CNTN4: variants seen among roughly 807,000 people sequenced by gnomAD.
CNTN4 encodes contactin 4.
CNTN4 carries 77 observed loss-of-function variants against 122.5 expected under a neutral mutation model. The ratio of observed to expected loss-of-function variants is 0.63; its 90% CI spans 0.52 to 0.76. CNTN4 has a LOEUF of 0.76. Ranked by LOEUF, CNTN4 falls within the 30% of genes least tolerant of loss-of-function variation. CNTN4 has a pLI of 0.00. For missense variants in CNTN4, 1,256 were observed against 1,259.1 expected (o/e 1.00, Z 0.04); for synonymous variants, 512 against 447.0 (o/e 1.15, Z -1.83).
chr3:2,380,398 T>A (rs575957093), intron 3 of CNTN4, among the ~76,000 whole-genome samples: 6 of 152,204 alleles, frequency 3.9e-5, no homozygotes, highest in African/African-American at 1.4e-4. Flanking sequence ...ATGTTGTAGA[T>A]TGGAAAGAGG....
At chr3:2,328,212 T>C (rs549986218) in intron 2 of CNTN4, among the ~76,000 whole-genome samples, 8 of 152,190 alleles carry the variant, frequency 5.3e-5, no homozygotes, top group East Asian at 1.9e-4. Context: ...GAGACCATCC[T>C]GGCTAACACG....
chr3:2,719,130 A>G, intron 4 of CNTN4, among the ~76,000 whole-genome samples: 1 of 152,144 alleles, frequency 6.6e-6, no homozygotes, highest in Admixed American at 6.5e-5. Flanking sequence ...GAAGGGAGGG[A>G]CCTTGTCAAT....
chr3:2,536,622 C>G (rs1317095413), intron 3 of CNTN4, among the ~76,000 whole-genome samples: 1 of 147,826 alleles, frequency 6.8e-6, no homozygotes, highest in Non-Finnish European at 1.5e-5. Context: ...CTGGATCTTA[C>G]TTTATTTCCT....
At chr3:2,866,977 T>C (rs779384838) in intron 8 of CNTN4, 28 bp downstream of exon 8, 1 of 1,591,452 alleles carries the variant, frequency 6.3e-7, no homozygotes, top group South Asian at 1.1e-5. Context: ...TTTGTTAATT[T>C]TGTTTCTGCA....
intron 8 of CNTN4, among the ~76,000 whole-genome samples, chr3:2,873,378 G>A (rs112873872): frequency 0.018 from 2,668 of 152,276 alleles, 85 homozygotes; most frequent in African/African-American, 0.061. Context: ...AATGCTGACA[G>A]CTGATCCCTG....
chr3:2,558,047 T>G (rs1045036579), intron 3 of CNTN4, among the ~76,000 whole-genome samples: 1 of 152,178 alleles, frequency 6.6e-6, no homozygotes, highest in Non-Finnish European at 1.5e-5. Flanking sequence ...GCTCCACTGA[T>G]GTAAAAACAA....
intron 2 of CNTN4, among the ~76,000 whole-genome samples, chr3:2,322,531 G>T (rs1342727799): frequency 3.3e-5 from 5 of 152,078 alleles, no homozygotes; most frequent in African/African-American, 1.2e-4. Flanking sequence ...GGTTAGCAGG[G>T]GCTGGGGAGT....
intron 3 of CNTN4, among the ~76,000 whole-genome samples, chr3:2,491,620 AT>A (rs1405144523): frequency 6.6e-6 from 1 of 152,182 alleles, no homozygotes; most frequent in Non-Finnish European, 1.5e-5. Context: ...TGCAAAAATC[AT>A]TTTCAAACTT....
chr3:3,014,538 C>T (rs1028790206), intron 14 of CNTN4, among the ~76,000 whole-genome samples: 6 of 152,038 alleles, frequency 3.9e-5, no homozygotes, highest in African/African-American at 1.4e-4. Context: ...ACTGCCTTTT[C>T]ACTTTCTAAA....
chr3:2,238,920 T>A (rs542839476), intron 2 of CNTN4: 2 of 124,926 alleles, frequency 1.6e-5, no homozygotes, highest in Admixed American at 1.8e-4. Context: ...AGAGACGGGG[T>A]TTCACCGTGT....
intron 2 of CNTN4, among the ~76,000 whole-genome samples, chr3:2,137,647 A>G (rs925419408): frequency 6.6e-6 from 1 of 152,186 alleles, no homozygotes; most frequent in Non-Finnish European, 1.5e-5. Context: ...GCATTTTGGG[A>G]GCTATGCACA....
intron 3 of CNTN4, among the ~76,000 whole-genome samples, chr3:2,512,525 A>G (rs1299623797): frequency 1.3e-5 from 2 of 152,222 alleles, no homozygotes; most frequent in East Asian, 1.9e-4. Context: ...CACATGATCA[A>G]TGCCTTAGTG....
chr3:2,253,180 T>C (rs1240477356), intron 2 of CNTN4, among the ~76,000 whole-genome samples: 7 of 152,152 alleles, frequency 4.6e-5, no homozygotes, highest in African/African-American at 1.7e-4. Flanking sequence ...CAGTCTACTT[T>C]GTGCCGTGTA....
chr3:2,484,218 TG>T (rs1329267899), intron 3 of CNTN4, among the ~76,000 whole-genome samples: 1 of 152,092 alleles, frequency 6.6e-6, no homozygotes, highest in Non-Finnish European at 1.5e-5. Flanking sequence ...ACACACCATA[TG>T]TCATCAGAGA....
At chr3:2,366,286 A>T (rs921677181) in intron 3 of CNTN4, among the ~76,000 whole-genome samples, 1 of 152,244 alleles carries the variant, frequency 6.6e-6, no homozygotes, top group Non-Finnish European at 1.5e-5. Flanking sequence ...AATTCATCAA[A>T]TAATGTTGTC....
chr3:2,288,733 G>A (rs746943855), intron 2 of CNTN4, among the ~76,000 whole-genome samples: 13 of 152,124 alleles, frequency 8.5e-5, no homozygotes, highest in Admixed American at 2.0e-4. Flanking sequence ...TGGAAGGATT[G>A]TAAGAAGAAT....
intron 2 of CNTN4, among the ~76,000 whole-genome samples, chr3:2,317,567 C>T (rs750646895): frequency 2.6e-5 from 4 of 152,082 alleles, no homozygotes; most frequent in African/African-American, 7.2e-5. Flanking sequence ...AGTGGATCAC[C>T]GAGGCATTTC....
intron 2 of CNTN4, among the ~76,000 whole-genome samples, chr3:2,225,160 C>CAA (rs1553604629): frequency 5.4e-5 from 8 of 149,142 alleles, no homozygotes; most frequent in African/African-American, 7.5e-5. Flanking sequence ...CCACCACCCC[C>CAA]AAAAAAAAAG....
chr3:2,271,736 G>T (rs1444196343), intron 2 of CNTN4, among the ~76,000 whole-genome samples: 2 of 152,118 alleles, frequency 1.3e-5, no homozygotes, highest in Non-Finnish European at 2.9e-5. Context: ...CCCAACTAAA[G>T]AATGTATCTT....
Sources: allele counts gnomAD v4.1 joint callset (sites outside exome capture counted in the v4.1 genomes callset), GRCh38; gene constraint gnomAD v4.1.1; transcripts MANE v1.5; gene names NCBI Gene and HGNC (gene_info 2026-07-23, HGNC 2026-07-21).